Variants in MTRR observed in about 807,000 individuals in gnomAD.
MTRR encodes the protein methionine synthase reductase.
In MTRR, 63 loss-of-function variants were observed where a neutral mutation model predicts 79.2. The ratio of observed to expected loss-of-function variants is 0.80; its 90% CI spans 0.65 to 0.98. The LOEUF is 0.98. Ranked by LOEUF, MTRR falls within the 50% of genes least tolerant of loss-of-function variation. The probability of loss-of-function intolerance (pLI) is 0.00; values close to 1 mark genes in which losing one functional copy is unlikely to be tolerated. For missense variants in MTRR, 895 were observed against 839.6 expected, an observed-to-expected ratio of 1.07 and a Z score of -0.82; for synonymous variants, 355 against 313.3, an observed-to-expected ratio of 1.13 and a Z score of -1.41.
intron 1 of MTRR, chr5:7,861,256 G>C: frequency 5.9e-6 from 9 of 1,519,154 alleles, no homozygotes; most frequent in East Asian, 4.6e-5. Context: ...TCAATACACA[G>C]TGCTATCCTG....
Position 7,883,289 on chromosome 5 carries a change from AATTT to A in MTRR, c.903+17_903+20del, listed in dbSNP as rs1192596085. On this transcript the variant is annotated intron_variant, in intron 6 of 14. Transcript: ENST00000440940. ...AATTGGACATTTCAGTAAGTTGCAA[AATTT>A]ATTTCTCAGCACAGTAATATTGTCA... 1 of 1,614,018 alleles carries A rather than the reference AATTT, an allele frequency of 6.2e-7. No individual in the cohort carries two copies. Among genetic ancestry groups the A allele is most frequent in the Non-Finnish European group, 8.5e-7 (1 of 1,180,026 alleles).
Position 7,882,864 on chromosome 5 carries a change from G to T in MTRR, c.781-291G>T, listed in dbSNP as rs6879300. Among the ~76,000 whole-genome samples, 2,475 of 152,164 alleles carry T rather than the reference G, an allele frequency of 0.016. 32 individuals carry two copies. The highest frequency in any genetic ancestry group is 0.024 in the Non-Finnish European group (1,658 of 68,006). The stretch of plus-strand genomic sequence containing the variant: ...CATTTGCAGACATTCTGTTTCCCTT[G>T]ACGTAGTTTATTAGGAAAACTACTA... On this transcript the variant is annotated intron_variant, in intron 5 of 14. Transcript: ENST00000440940.
At position 7,883,234 on chromosome 5, in the gene MTRR, A is replaced by T. The variant is rs750009895; in HGVS notation, c.860A>T (p.Asn287Ile). The T allele has an allele frequency of 2.5e-6, 4 of 1,614,124 alleles. No individual in the cohort carries two copies. The highest frequency in any genetic ancestry group is 1.7e-5 in the Admixed American group (1 of 60,014). Residue 287 changes from asparagine to isoleucine, a missense_variant, in exon 6 of 15, where the codon AAT (asparagine) becomes ATT (isoleucine). By Grantham distance (149) the Asn-to-Ile change is moderately radical. Coordinates refer to ENST00000440940, the MANE Select transcript of MTRR (RefSeq NM_002454.3). ...PISKAVQLTT[N>I]DAIKTTLLVE... Reference sequence around the variant, plus strand: ...TCAAAGGCAGTTCAACTTACTACGAATGATGCCATAAAAACCACTCTGCTG... The same window carrying T: ...TCAAAGGCAGTTCAACTTACTACGATTGATGCCATAAAAACCACTCTGCTG...
chr5:7,884,006 A>G (rs1736008322), intron 6 of MTRR, among the ~76,000 whole-genome samples: 1 of 152,180 alleles, frequency 6.6e-6, no homozygotes, highest in South Asian at 2.1e-4. Flanking sequence ...CTACAAAAAA[A>G]TACAATAAGT....
Position 7,885,701 on chromosome 5 carries a change from A to C in MTRR, c.904A>C (p.Asn302His). 1 of 1,612,278 alleles carries C rather than the reference A, an allele frequency of 6.2e-7. No homozygotes were observed. The highest frequency in any genetic ancestry group is 8.5e-7 in the Non-Finnish European group (1 of 1,179,544). The change falls in exon 7 of 15, where the codon AAT (asparagine) becomes CAT (histidine). Residue 302 changes from asparagine (N) to histidine (H), a missense_variant and splice_region_variant. Physicochemically the swap from Asn to His is moderately conservative, Grantham distance 68. Coordinates refer to ENST00000440940, the MANE Select transcript of MTRR (RefSeq NM_002454.3). ...TTTTTTCATTTTGGCTCTTCTCTAG[A>C]ATACAGACTTTTCCTATCAGCCTGG... is the stretch of plus-strand genomic sequence containing the variant. ...TTLLVELDIS[N>H]TDFSYQPGDA...
intron 4 of MTRR, among the ~76,000 whole-genome samples, chr5:7,877,027 G>A (rs1579647638): frequency 6.6e-6 from 1 of 152,198 alleles, no homozygotes; most frequent in African/African-American, 2.4e-5. Flanking sequence ...TTTGAGTAGT[G>A]TACCACATGA....
rs1736476987 is a variant in MTRR at position 7,886,605 on chromosome 5, AC to A, written c.1058-8del. The A allele has an allele frequency of 1.3e-6, 2 of 1,598,518 alleles. No individual in the cohort carries two copies. The highest frequency in any genetic ancestry group is 3.3e-5 in the Admixed American group (2 of 60,000). On this transcript the variant is annotated splice_polypyrimidine_tract_variant and intron_variant, in intron 7 of 14. Transcript: ENST00000440940. ...TGTCATGAACCCCTTTCCCGTCTTT[AC>A]CTGAAAAGGAGCTACCTTACCCCAG...
chr5:7,892,872 C>G lies in MTRR; in HGVS notation c.1516C>G (p.His506Asp), dbSNP rs1737856162. The change falls in exon 11 of 15, where the codon CAT becomes GAT. Residue 506 changes from histidine to aspartate, a missense_variant. By Grantham distance (81) the His-to-Asp change is moderately conservative. Transcript: ENST00000440940. ...TGCTTCAGTTCTTCAGCCAAACATA[C>G]ATGCATCCCATGAAGACAGCGGGAA... ...LVASVLQPNI[H>D]ASHEDSGKAL... is the part of the protein sequence containing the mutation. 2 of 1,614,218 alleles carry G rather than the reference C, an allele frequency of 1.2e-6. No homozygotes were observed. The highest frequency in any genetic ancestry group is 1.7e-6 in the Non-Finnish European group (2 of 1,180,046).
intron 9 of MTRR, 38 bp downstream of exon 9, chr5:7,889,313 C>G (rs567099925): frequency 6.2e-6 from 10 of 1,610,874 alleles, no homozygotes; most frequent in Admixed American, 1.7e-5. Context: ...GGTGGCTGTT[C>G]GTGCACTGGT....
chr5:7,891,704 T>C (rs971236012), intron 10 of MTRR, among the ~76,000 whole-genome samples: 2 of 152,138 alleles, frequency 1.3e-5, no homozygotes, highest in African/African-American at 4.8e-5. Flanking sequence ...CCACCTTCAC[T>C]GAGTGGCAGC....
At position 7,892,710 on chromosome 5, in the gene MTRR, T is replaced by C. The variant is rs927595637; in HGVS notation, c.1371-17T>C. On this transcript the variant is annotated splice_polypyrimidine_tract_variant and intron_variant, in intron 10 of 14. Coordinates refer to ENST00000440940, the MANE Select transcript of MTRR (RefSeq NM_002454.3). ...GTACTGATATCGAGTTCAAAACTTG[T>C]CTGTGTATCTTTGCAGCTCAAGTTT... is the stretch of plus-strand genomic sequence containing the variant. The C allele has an allele frequency of 6.2e-7, 1 of 1,614,060 alleles. No homozygotes were observed.
intron 1 of MTRR, among the ~76,000 whole-genome samples, chr5:7,858,734 C>A (rs1250386477): frequency 6.6e-6 from 1 of 151,928 alleles, no homozygotes; most frequent in Non-Finnish European, 1.5e-5. Context: ...ATACACTCTG[C>A]TACTCCAGTC....
chr5:7,895,768 A>G lies in MTRR; in HGVS notation c.1592A>G (p.His531Arg). 6.2e-7 allele frequency: 1 copy of G among 1,613,982 alleles called. No individual in the cohort carries two copies. Among genetic ancestry groups the G allele is most frequent in the Non-Finnish European group, 8.5e-7 (1 of 1,179,936 alleles). ...TCTCCTCGAACAACAAATTCTTTCC[A>G]CTTACCAGATGACCCCTCAATCCCC... ...SISPRTTNSF[H>R]LPDDPSIPII... The change falls in exon 12 of 15, where the codon CAC becomes CGC. Residue 531 changes from histidine to arginine, a missense_variant. Transcript: ENST00000440940.
At chr5:7,894,326 A>G (rs1738141875) in intron 11 of MTRR, among the ~76,000 whole-genome samples, 1 of 152,238 alleles carries the variant, frequency 6.6e-6, no homozygotes, top group South Asian at 2.1e-4. Context: ...TTCACAGATT[A>G]ACCCTGCCAC....
At position 7,873,423 on chromosome 5, in the gene MTRR, G is replaced by A. The variant is rs1404255848; in HGVS notation, c.180G>A (p.Thr60=). The A allele has an allele frequency of 1.2e-6, 2 of 1,614,080 alleles. No homozygotes were observed. The highest frequency in any genetic ancestry group is 8.5e-7 in the Non-Finnish European group (1 of 1,180,010). The change falls in exon 3 of 15, where the codon ACG becomes ACA. Residue 60 remains threonine (T), a synonymous_variant. Coordinates refer to ENST00000440940, the MANE Select transcript of MTRR (RefSeq NM_002454.3). ...TAPLVVVVST[T]GTGDPPDTAR... is the part of the protein sequence containing the mutation. ...CTCTTGTTGTTGTGGTTTCTACCAC[G>A]GGCACCGGAGACCCACCCGACACAG...
intron 1 of MTRR, among the ~76,000 whole-genome samples, chr5:7,854,572 A>G (rs542349496): frequency 6.6e-6 from 1 of 152,168 alleles, no homozygotes; most frequent in African/African-American, 2.4e-5. Context: ...GCGGCAAGAG[A>G]AAATGAGGAA....
chr5:7,869,454 C>A (rs953655679), intron 1 of MTRR: 1 of 558,846 alleles, frequency 1.8e-6, no homozygotes, highest in Non-Finnish European at 3.2e-6. Context: ...CCGCGGGAGG[C>A]CCCTGGGCGG....
chr5:7,862,981 G>C, intron 2 of MTRR: 1 of 1,613,628 alleles, frequency 6.2e-7, no homozygotes, highest in Non-Finnish European at 8.5e-7. Flanking sequence ...TTGATATTTA[G>C]GAAGGAGTTT....
At chr5:7,894,518 A>T (rs765475621) in intron 11 of MTRR, among the ~76,000 whole-genome samples, 6 of 152,224 alleles carry the variant, frequency 3.9e-5, no homozygotes, top group Admixed American at 2.0e-4. Context: ...GAACGTAGAA[A>T]GTGTGCTGTT....
Sources: allele counts gnomAD v4.1 joint callset (sites outside exome capture counted in the v4.1 genomes callset), GRCh38; gene constraint gnomAD v4.1.1; transcripts MANE v1.5; gene names NCBI Gene and HGNC (gene_info 2026-07-23, HGNC 2026-07-21).